Variants in MIR2052HG observed in about 807,000 individuals in gnomAD.
MIR2052HG encodes the protein MIR2052 host gene.
rs181714262 is a variant in MIR2052HG, at chr8:74,620,871, A to T, written n.216+7931A>T. Among the ~76,000 whole-genome samples the T allele has an allele frequency of 3.9e-5, 6 of 152,284 alleles. No individual in the cohort carries two copies. The East Asian group carries it at 1.2e-3, about 29-fold the overall frequency. Reference sequence around the variant, plus strand: ...GGCTGGAATTTCTCCCCAGAAAATGAGTTTTTATTTTCTATTGCATGGTCA... The same window carrying T: ...GGCTGGAATTTCTCCCCAGAAAATGTGTTTTTATTTTCTATTGCATGGTCA... On this transcript the variant is annotated intron_variant and non_coding_transcript_variant, in intron 2 of 6. Transcript: ENST00000523442.
chr8:74,661,211 T>C (rs1014379576), intron 2 of MIR2052HG, among the ~76,000 whole-genome samples: 61 of 150,766 alleles, frequency 4.0e-4, no homozygotes, highest in Non-Finnish European at 3.0e-4. Context: ...TTTTTTTTTT[T>C]TTTTTTTCGA....
At chr8:74,706,830 AGC>A (rs1809415720) in intron 4 of MIR2052HG, among the ~76,000 whole-genome samples, 1 of 151,992 alleles carries the variant, frequency 6.6e-6, no homozygotes, top group Non-Finnish European at 1.5e-5. Context: ...TTTTTTCACA[AGC>A]TTCTTGGCGG....
intron 4 of MIR2052HG, among the ~76,000 whole-genome samples, chr8:74,712,425 A>G (rs1809477259): frequency 6.6e-6 from 1 of 152,214 alleles, no homozygotes; most frequent in Non-Finnish European, 1.5e-5. Flanking sequence ...ATGTCTCTCA[A>G]CTACTTACAT....
intron 2 of MIR2052HG, among the ~76,000 whole-genome samples, chr8:74,652,929 A>G (rs542297276): frequency 7.7e-4 from 117 of 152,302 alleles, no homozygotes; most frequent in Non-Finnish European, 1.4e-3. Flanking sequence ...GCTGCTTCAA[A>G]ACAATAAGGG....
At chr8:74,744,487 C>T (rs1383400429) in intron 4 of MIR2052HG, among the ~76,000 whole-genome samples, 1 of 151,998 alleles carries the variant, frequency 6.6e-6, no homozygotes, top group East Asian at 1.9e-4. Flanking sequence ...CCCCCTACCC[C>T]ACAACAGTCC....
chr8:74,710,282 T>C (rs2128741686), intron 4 of MIR2052HG, among the ~76,000 whole-genome samples: 1 of 152,252 alleles, frequency 6.6e-6, no homozygotes, highest in African/African-American at 2.4e-5. Context: ...CCACCAATTT[T>C]GATTATATTT....
intron 4 of MIR2052HG, among the ~76,000 whole-genome samples, chr8:74,746,082 T>C (rs1187721447): frequency 6.6e-6 from 1 of 152,130 alleles, no homozygotes; most frequent in Non-Finnish European, 1.5e-5. Context: ...ATGTTGTAAT[T>C]AAGAAAGTGG....
intron 2 of MIR2052HG, among the ~76,000 whole-genome samples, chr8:74,681,595 C>T (rs1424445294): frequency 6.6e-6 from 1 of 152,094 alleles, no homozygotes; most frequent in Non-Finnish European, 1.5e-5. Flanking sequence ...GATTAAGGCT[C>T]TGCCCTAATT....
intron 4 of MIR2052HG, among the ~76,000 whole-genome samples, chr8:74,723,043 A>G (rs996085223): frequency 2.0e-5 from 3 of 152,210 alleles, no homozygotes; most frequent in Non-Finnish European, 2.9e-5. Flanking sequence ...CTTGAATTTC[A>G]TGATAGAAAT....
At chr8:74,603,658 G>A (rs1420174261) in intron 1 of MIR2052HG, 4 of 1,144,966 alleles carry the variant, frequency 3.5e-6, no homozygotes, top group Non-Finnish European at 5.3e-6. Flanking sequence ...TCCTTGAAGG[G>A]TATAGGCCTG....
intron 2 of MIR2052HG, among the ~76,000 whole-genome samples, chr8:74,644,282 C>T (rs1457186707): frequency 2.6e-5 from 4 of 152,106 alleles, no homozygotes; most frequent in African/African-American, 4.8e-5. Flanking sequence ...ATTATAATAC[C>T]GTATTTTTGC....
At chr8:74,714,509 A>G (rs915697260) in intron 4 of MIR2052HG, among the ~76,000 whole-genome samples, 16 of 152,152 alleles carry the variant, frequency 1.1e-4, no homozygotes, top group African/African-American at 3.6e-4. Context: ...GAAGACTGAG[A>G]GAACACTTCC....
chr8:74,603,314 C>G (rs1204841116), intron 1 of MIR2052HG: 1 of 1,603,724 alleles, frequency 6.2e-7, no homozygotes, highest in Non-Finnish European at 8.5e-7. Flanking sequence ...CCACCCGTCT[C>G]CGAGGAAAGC....
chr8:74,636,959 C>G (rs1004812015), intron 2 of MIR2052HG, among the ~76,000 whole-genome samples: 5 of 152,138 alleles, frequency 3.3e-5, no homozygotes, highest in African/African-American at 9.7e-5. Flanking sequence ...AGGGACCACA[C>G]TTTGGGTGGC....
At chr8:74,696,189 A>C (rs1053093964) in intron 2 of MIR2052HG, among the ~76,000 whole-genome samples, 5 of 152,196 alleles carry the variant, frequency 3.3e-5, no homozygotes, top group Admixed American at 1.3e-4. Context: ...CCATGCAAAT[A>C]CATGAAAATT....
At chr8:74,681,614 C>T (rs1306179388) in intron 2 of MIR2052HG, among the ~76,000 whole-genome samples, 1 of 152,068 alleles carries the variant, frequency 6.6e-6, no homozygotes, top group African/African-American at 2.4e-5. Flanking sequence ...TTCATGAATT[C>T]ATGCTATTAC....
chr8:74,630,181 A>G (rs1808489120), intron 2 of MIR2052HG, among the ~76,000 whole-genome samples: 1 of 152,176 alleles, frequency 6.6e-6, no homozygotes, highest in African/African-American at 2.4e-5. Context: ...TTCCTAAATC[A>G]AAACAGTTAT....
At chr8:74,600,839 G>T (rs1004972029) in intron 1 of MIR2052HG, among the ~76,000 whole-genome samples, 1 of 152,110 alleles carries the variant, frequency 6.6e-6, no homozygotes, top group Non-Finnish European at 1.5e-5. Context: ...CTCCCAAAGT[G>T]CTGGGATTAC....
At chr8:74,718,880 C>T (rs528350446) in intron 4 of MIR2052HG, among the ~76,000 whole-genome samples, 13 of 152,254 alleles carry the variant, frequency 8.5e-5, no homozygotes, top group African/African-American at 3.1e-4. Flanking sequence ...GGCCCCATCT[C>T]CTAATACCAT....
Sources: allele counts gnomAD v4.1 joint callset (sites outside exome capture counted in the v4.1 genomes callset), GRCh38; gene constraint gnomAD v4.1.1; transcripts MANE v1.5; gene names NCBI Gene and HGNC (gene_info 2026-07-23, HGNC 2026-07-21).